The following MCF2L variants were observed in gnomAD, a reference collection of about 807,000 sequenced individuals.
The protein encoded by MCF2L is guanine nucleotide exchange factor DBS.
Under a neutral mutation model 153.4 loss-of-function variants are expected in MCF2L, and 97 were observed. That is an observed-to-expected ratio of 0.63 (90% CI 0.54 to 0.75). The LOEUF is 0.75. Among genes scored for constraint, MCF2L ranks in the 30% least tolerant of loss-of-function variants. The pLI is 0.00. For synonymous variants in MCF2L, 659 were observed against 632.2 expected (o/e 1.04, Z -0.64); for missense variants, 1,347 against 1,495.2 (o/e 0.90, Z 1.64).
At chr13:113,048,434 G>A (rs945599221) in intron 4 of MCF2L, among the ~76,000 whole-genome samples, 3 of 140,062 alleles carry the variant, frequency 2.1e-5, no homozygotes, top group African/African-American at 7.8e-5. Context: ...AATAATTTAC[G>A]GTCTTTTTTT....
At chr13:113,005,767 ACAGT>A (rs1289562924) in intron 1 of MCF2L, among the ~76,000 whole-genome samples, 1 of 152,206 alleles carries the variant, frequency 6.6e-6, no homozygotes, top group African/African-American at 2.4e-5. Context: ...GTGGGAGGTG[ACAGT>A]CAGTCACCAG....
chr13:112,905,703 CGT>C (rs1196422597), intron 2 of MCF2L, among the ~76,000 whole-genome samples: 7 of 152,140 alleles, frequency 4.6e-5, no homozygotes, highest in African/African-American at 1.4e-4. Flanking sequence ...TGTGTTGTAC[CGT>C]GTGACACAAT....
At chr13:113,051,932 C>T (rs900228796) in intron 4 of MCF2L, among the ~76,000 whole-genome samples, 3 of 152,142 alleles carry the variant, frequency 2.0e-5, no homozygotes, top group African/African-American at 7.2e-5. Context: ...AGGGTGGGGC[C>T]GTCCTGACCC....
intron 2 of MCF2L, among the ~76,000 whole-genome samples, chr13:113,015,518 G>A (rs1285947867): frequency 2.0e-5 from 3 of 152,178 alleles, no homozygotes; most frequent in Non-Finnish European, 4.4e-5. Context: ...TGCCGAGGAC[G>A]CGGTGCTCTT....
chr13:113,063,376 C>A (rs887710329), intron 5 of MCF2L, among the ~76,000 whole-genome samples: 4 of 151,408 alleles, frequency 2.6e-5, no homozygotes, highest in Admixed American at 6.6e-5. Flanking sequence ...AGCGTTCAGG[C>A]GTCCCTGTCC....
At chr13:113,084,699 G>C (rs1432345548) in intron 18 of MCF2L, 193 bp from the exon 19 acceptor site, 1 of 595,676 alleles carries the variant, frequency 1.7e-6, no homozygotes, top group African/African-American at 1.9e-5. Context: ...TGGAGGGCAG[G>C]CCCCCCAGCG....
chr13:113,054,413 G>A lies in MCF2L; in HGVS notation c.370-6180G>A, dbSNP rs755182078. 6 of 167,368 alleles carry A rather than the reference G, an allele frequency of 3.6e-5. No homozygotes were observed. The highest frequency in any genetic ancestry group is 2.9e-5 in the Non-Finnish European group (2 of 68,202). 10.4% of individuals were successfully genotyped at this position (167,368 alleles called of 1,614,324 possible). ...ACGGCAGCGGCCATTCTGAGCACTC[G>A]TGTCTGAACATCTGCAGGAACAGGG... On this transcript the variant is annotated intron_variant, in intron 4 of 29. Coordinates refer to ENST00000535094, the MANE Select transcript of MCF2L (RefSeq NM_001112732.3). The surrounding 1 kb of genome is among the most constrained non-coding windows in gnomAD (Gnocchi z 5.2).
chr13:112,955,479 G>A (rs1050122218), intron 2 of MCF2L, among the ~76,000 whole-genome samples: 44 of 152,254 alleles, frequency 2.9e-4, no homozygotes, highest in Middle Eastern at 6.8e-3. Flanking sequence ...CCACATGCCC[G>A]GTTACTGTTC....
intron 2 of MCF2L, among the ~76,000 whole-genome samples, chr13:112,946,992 G>A (rs542174783): frequency 9.9e-5 from 15 of 152,266 alleles, no homozygotes; most frequent in Non-Finnish European, 2.1e-4. Flanking sequence ...CGTCCTAAAC[G>A]CAGGGCTTGT....
chr13:113,022,625 G>A (rs2084959020), intron 2 of MCF2L, among the ~76,000 whole-genome samples: 2 of 152,246 alleles, frequency 1.3e-5, no homozygotes, highest in East Asian at 1.9e-4. Context: ...TAGCTGGGGC[G>A]TGCCGCTTGC....
At chr13:113,061,906 CT>C (rs898636701) in intron 5 of MCF2L, among the ~76,000 whole-genome samples, 1 of 105,936 alleles carries the variant, frequency 9.4e-6, no homozygotes, top group Non-Finnish European at 1.9e-5. Flanking sequence ...TCCTCTCCCC[CT>C]ACCCAAGACA....
chr13:113,061,672 T>C (rs2031432387), intron 5 of MCF2L, among the ~76,000 whole-genome samples: 1 of 118,984 alleles, frequency 8.4e-6, no homozygotes. Context: ...CCTTTCCCCA[T>C]GTACTGCCCC....
At chr13:113,096,727 C>T in intron 29 of MCF2L, 47 bp from the exon 30 acceptor site, 1 of 1,553,064 alleles carries the variant, frequency 6.4e-7, no homozygotes, top group Non-Finnish European at 8.6e-7. Flanking sequence ...CCGTGTGTGC[C>T]CGGCAGAGCC....
At chr13:113,038,842 CTTGAT>C (rs1319621554) in intron 3 of MCF2L, among the ~76,000 whole-genome samples, 1 of 152,176 alleles carries the variant, frequency 6.6e-6, no homozygotes, top group East Asian at 1.9e-4. Flanking sequence ...TCTGCAGTCT[CTTGAT>C]TTATTTATTG....
rs569152171 is a variant in MCF2L at position 112,928,412 on chromosome 13, C to T, written c.169+26041C>T. Among the ~76,000 whole-genome samples the T allele has an allele frequency of 6.6e-5, 10 of 152,316 alleles. No homozygotes were observed. The East Asian group carries it at 7.7e-4, about 12-fold the overall frequency. On this transcript the variant is annotated intron_variant, in intron 2 of 29. Coordinates refer to the MCF2L transcript ENST00000375608. ...CCTCACAGTCATAATTAATTCTCTG[C>T]GTGAATGTGCCTCGTTATAATCCTT...
rs1476701408 is a variant in MCF2L at position 113,087,260 on chromosome 13, T to C, written c.2399T>C (p.Leu800Pro). ...YDGNLGDLGKLLMQGSFSVWT... is the reference protein window; with the variant it reads ...YDGNLGDLGKPLMQGSFSVWT... ...GGGAATCTCGGCGACCTGGGCAAGC[T>C]GCTGATGCAGGGCTCGTTCAGCGTC... is the stretch of plus-strand genomic sequence containing the variant. The change falls in exon 22 of 30, where the codon CTG becomes CCG. Residue 800 changes from leucine to proline, a missense_variant. Physicochemically the swap from Leu to Pro is moderately conservative, Grantham distance 98. This residue lies in a region of MCF2L where 144 missense variants were observed against 238.7 expected (regional missense o/e 0.60). Coordinates refer to ENST00000535094, the MANE Select transcript of MCF2L (RefSeq NM_001112732.3). The C allele has an allele frequency of 6.2e-7, 1 of 1,612,226 alleles. No individual in the cohort carries two copies. The highest frequency in any genetic ancestry group is 2.2e-5 in the East Asian group (1 of 44,884).
In MCF2L at chr13:113,064,400, C is replaced by T. The variant is rs1249854544; in HGVS notation, c.586C>T (p.Arg196Trp). 18 of 1,611,624 alleles carry T rather than the reference C, an allele frequency of 1.1e-5. No individual in the cohort carries two copies. The highest frequency in any genetic ancestry group is 1.1e-4 in the East Asian group (5 of 44,890). ...TGGGACCCTGGACTACTGCCACTCC[C>T]GGTGGCTGTGCCAGCGCACGGTGAG... ...LGGTLDYCHS[R>W]WLCQRTAIES... The change falls in exon 6 of 30, where the codon CGG becomes TGG. Residue 196 changes from arginine (R) to tryptophan (W), a missense_variant. By Grantham distance (101) the Arg-to-Trp change is moderately radical. Around this residue, in one of 3 missense-constraint regions of MCF2L, gnomAD observed 820 missense variants for 921.2 expected, o/e 0.89. Coordinates refer to ENST00000535094, the MANE Select transcript of MCF2L (RefSeq NM_001112732.3). The surrounding 1 kb of genome is among the most constrained non-coding windows in gnomAD (Gnocchi z 6.0).
At chr13:112,912,970 G>A (rs1472298986) in intron 2 of MCF2L, among the ~76,000 whole-genome samples, 1 of 151,198 alleles carries the variant, frequency 6.6e-6, no homozygotes. Flanking sequence ...GTGTCTGTAT[G>A]TATGGGGTGT....
intron 2 of MCF2L, among the ~76,000 whole-genome samples, chr13:112,942,006 C>T (rs576496485): frequency 9.8e-5 from 15 of 152,304 alleles, no homozygotes; most frequent in African/African-American, 3.6e-4. Flanking sequence ...CATGGTCTAG[C>T]GGTAGCGTCA....
Sources: gnomAD v4.1 joint callset for allele counts (sites outside exome capture counted in the v4.1 genomes callset) on GRCh38, gnomAD v4.1.1 for gene constraint, gnomAD v4.1.1 regional missense constraint, Gnocchi (gnomAD v3.1) non-coding constraint, MANE v1.5 for transcripts, NCBI Gene and HGNC (gene_info 2026-07-23, HGNC 2026-07-21) for gene names.